Variants in ZNF503 observed in about 807,000 individuals in gnomAD.
ZNF503 encodes the protein NocA-like zinc finger 2.
ZNF503 carries 15 observed loss-of-function variants against 34.4 expected under a neutral mutation model. That is an observed-to-expected ratio of 0.44 (90% CI 0.29 to 0.67). The LOEUF is 0.67. Among genes scored for constraint, ZNF503 ranks in the 30% least tolerant of loss-of-function variants. The pLI is 0.13. For synonymous variants in ZNF503, 580 were observed against 456.8 expected, an observed-to-expected ratio of 1.27 and a Z score of -3.44; for missense variants, 1,007 against 926.8, an observed-to-expected ratio of 1.09 and a Z score of -1.12.
downstream of ZNF503, among the ~76,000 whole-genome samples, chr10:75,395,304 A>G (rs1589131856): frequency 6.6e-6 from 1 of 152,220 alleles, no homozygotes; most frequent in South Asian, 2.1e-4. The surrounding 1 kb of genome is among the most constrained non-coding windows in gnomAD (Gnocchi z 4.4). Context: ...GGTGGAGAAG[A>G]GCAGGGGAGA....
chr10:75,331,457 T>A, the ZNF503 span, among the ~76,000 whole-genome samples: 1 of 152,200 alleles, frequency 6.6e-6, no homozygotes, highest in Non-Finnish European at 1.5e-5. Flanking sequence ...TTATTTTATT[T>A]TATTTTTTTA....
In ZNF503 at chr10:75,398,804, G is replaced by C; in HGVS notation, c.1886C>G (p.Pro629Arg). ...CAGTCTCTGTCCGTAGAGGGCGTAG[G>C]GGGAGTAGTACGGTCCGGTGGCGGC... The part of the protein sequence containing the change: ...VPAATGPYYS[P>R]YALYGQRLTT... Residue 629 changes from proline (P) to arginine (R), a missense_variant, in exon 2 of 2, where the codon CCC (proline) becomes CGC (arginine). Coordinates refer to ENST00000372524, the MANE Select transcript of ZNF503 (RefSeq NM_032772.6). 1 of 1,482,582 alleles carries C rather than the reference G, an allele frequency of 6.7e-7. No individual in the cohort carries two copies. The highest frequency in any genetic ancestry group is 8.9e-7 in the Non-Finnish European group (1 of 1,122,126). 91.8% of individuals were successfully genotyped at this position (1,482,582 alleles called of 1,614,324 possible).
chr10:75,284,053 T>C, the ZNF503 span: 1 of 151,628 alleles, frequency 6.6e-6, no homozygotes, highest in Non-Finnish European at 1.5e-5. Context: ...TGAGCTCGCT[T>C]ACAGGTAGGC....
the ZNF503 span, among the ~76,000 whole-genome samples, chr10:75,335,887 TCTA>T: frequency 2.8e-4 from 42 of 152,354 alleles, no homozygotes; most frequent in Middle Eastern, 0.014. Flanking sequence ...TTTCTGTTCT[TCTA>T]CTCATCCTTC....
the ZNF503 span, among the ~76,000 whole-genome samples, chr10:75,325,239 C>G: frequency 6.6e-6 from 1 of 152,048 alleles, no homozygotes; most frequent in Non-Finnish European, 1.5e-5. Flanking sequence ...CAAAAATCAG[C>G]TGACTCTATT....
At chr10:75,346,670 G>A in the ZNF503 span, among the ~76,000 whole-genome samples, 1 of 152,062 alleles carries the variant, frequency 6.6e-6, no homozygotes, top group Non-Finnish European at 1.5e-5. Context: ...TCAAACTCCT[G>A]AGCTCAAGTG....
At chr10:75,350,769 G>C in the ZNF503 span, among the ~76,000 whole-genome samples, 1 of 152,052 alleles carries the variant, frequency 6.6e-6, no homozygotes, top group Non-Finnish European at 1.5e-5. Flanking sequence ...GCCCAGGCTA[G>C]TCTTGAACTC....
At chr10:75,357,432 T>G in the ZNF503 span, among the ~76,000 whole-genome samples, 6 of 152,120 alleles carry the variant, frequency 3.9e-5, no homozygotes, top group African/African-American at 1.2e-4. Flanking sequence ...GTGGGAGGAT[T>G]GCTTGAGCCC....
At chr10:75,393,462 G>A (rs753850198), downstream of ZNF503, among the ~76,000 whole-genome samples, 6 of 152,168 alleles carry the variant, frequency 3.9e-5, no homozygotes, top group Non-Finnish European at 4.4e-5. Flanking sequence ...AGGGGGTAGC[G>A]AGGAAATAAG....
the ZNF503 span, among the ~76,000 whole-genome samples, chr10:75,300,704 C>CTTTTTTTTTTTTTTTT: frequency 1.0e-4 from 11 of 108,750 alleles, no homozygotes; most frequent in Non-Finnish European, 1.4e-4. Context: ...TTCTTTCTTT[C>CTTTTTTTTTTTTTTTT]TTTTTTTTTT....
At chr10:75,315,539 G>A in the ZNF503 span, among the ~76,000 whole-genome samples, 3 of 152,114 alleles carry the variant, frequency 2.0e-5, no homozygotes, top group Admixed American at 6.6e-5. Context: ...ATAGCTATAA[G>A]ATTTTATGTA....
the ZNF503 span, among the ~76,000 whole-genome samples, chr10:75,286,526 C>T: frequency 1.3e-5 from 2 of 152,172 alleles, no homozygotes; most frequent in African/African-American, 4.8e-5. Flanking sequence ...ACTGCCTCTT[C>T]TCTTCTCTGT....
chr10:75,328,290 A>G, the ZNF503 span, among the ~76,000 whole-genome samples: 54 of 152,244 alleles, frequency 3.5e-4, no homozygotes, highest in African/African-American at 1.2e-3. Context: ...ATAAGTGTCT[A>G]GTTTCATTTA....
chr10:75,355,407 A>T, the ZNF503 span, among the ~76,000 whole-genome samples: 4 of 152,116 alleles, frequency 2.6e-5, no homozygotes, highest in Non-Finnish European at 5.9e-5. Flanking sequence ...CACTTATTTA[A>T]TCTGCGCAAG....
the ZNF503 span, among the ~76,000 whole-genome samples, chr10:75,364,223 G>C: frequency 6.6e-6 from 1 of 152,158 alleles, no homozygotes; most frequent in East Asian, 1.9e-4. Flanking sequence ...ATAAAAGAAA[G>C]CTGTGGGTCT....
chr10:75,365,844 G>C, the ZNF503 span, among the ~76,000 whole-genome samples: 1 of 152,124 alleles, frequency 6.6e-6, no homozygotes, highest in South Asian at 2.1e-4. Context: ...TCAAGAAAAG[G>C]GCCAAGTTGT....
the ZNF503 span, among the ~76,000 whole-genome samples, chr10:75,284,450 C>T: frequency 2.0e-5 from 3 of 150,932 alleles, no homozygotes; most frequent in Non-Finnish European, 4.4e-5. Flanking sequence ...GACTGGAGGG[C>T]GATGGGGAAG....
At chr10:75,334,989 CT>C in the ZNF503 span, among the ~76,000 whole-genome samples, 1 of 152,174 alleles carries the variant, frequency 6.6e-6, no homozygotes, top group East Asian at 1.9e-4. Context: ...GGAGGTCGGT[CT>C]GATATGAGGC....
the ZNF503 span, among the ~76,000 whole-genome samples, chr10:75,380,310 A>C: frequency 1.3e-5 from 2 of 152,152 alleles, no homozygotes; most frequent in Non-Finnish European, 2.9e-5. Context: ...GGAAGTTGGG[A>C]CCATTATTCT....
Sources: gnomAD v4.1 joint callset for allele counts (sites outside exome capture counted in the v4.1 genomes callset) on GRCh38, gnomAD v4.1.1 for gene constraint, Gnocchi (gnomAD v3.1) non-coding constraint, MANE v1.5 for transcripts, NCBI Gene and HGNC (gene_info 2026-07-23, HGNC 2026-07-21) for gene names.